The following NEXMIF variants were observed in gnomAD, a reference collection of about 807,000 sequenced individuals.
NEXMIF encodes XLMR protein related to neurite extension.
In NEXMIF, 8 loss-of-function variants were observed where a neutral mutation model predicts 62.1. The ratio of observed to expected loss-of-function variants is 0.13; its 90% CI spans 0.08 to 0.23. NEXMIF has a LOEUF of 0.23. Ranked by LOEUF, NEXMIF falls within the 10% of genes least tolerant of loss-of-function variation. NEXMIF has a pLI of 1.00. For synonymous variants in NEXMIF, 404 were observed against 416.6 expected, an observed-to-expected ratio of 0.97 and a Z score of 0.37; for missense variants, 976 against 1,113.3, an observed-to-expected ratio of 0.88 and a Z score of 1.75.
intron 1 of NEXMIF, among the ~76,000 whole-genome samples, chrX:74,783,916 T>C (rs2080253498): frequency 9.0e-6 from 1 of 110,901 alleles, no homozygotes. Context: ...TTCAGTAGTT[T>C]TAGGTATGAG....
chrX:74,837,206 C>T (rs1376192607), intron 1 of NEXMIF, among the ~76,000 whole-genome samples: 2 of 111,733 alleles, frequency 1.8e-5, no homozygotes. Context: ...TCAAGACTGT[C>T]TCTCTGACCC....
chrX:74,889,129 C>A (rs1296817295), intron 1 of NEXMIF, among the ~76,000 whole-genome samples: 1 of 111,634 alleles, frequency 9.0e-6, no homozygotes, highest in Non-Finnish European at 1.9e-5. Flanking sequence ...CGTTAATGCC[C>A]AGATCTGCAA....
chrX:74,758,511 AC>A (rs2080166086), intron 1 of NEXMIF, among the ~76,000 whole-genome samples: 1 of 111,479 alleles, frequency 9.0e-6, no homozygotes, highest in African/African-American at 3.3e-5. Flanking sequence ...TCACCCAGGG[AC>A]AAAGATTAGT....
intron 1 of NEXMIF, among the ~76,000 whole-genome samples, chrX:74,798,219 G>C (rs2080318414): frequency 9.0e-6 from 1 of 111,254 alleles, no homozygotes; most frequent in African/African-American, 3.3e-5. Context: ...ATCATGGTTT[G>C]AAATCCTGTC....
chrX:74,798,331 A>G (rs1056290552), intron 1 of NEXMIF, among the ~76,000 whole-genome samples: 8 of 111,970 alleles, frequency 7.1e-5, no homozygotes, highest in African/African-American at 2.6e-4. Flanking sequence ...CAACCACCAC[A>G]CTTAGCTGTG....
intron 2 of NEXMIF, 108 bp from the exon 3 acceptor site, chrX:74,744,585 G>T: frequency 2.0e-6 from 1 of 501,903 alleles, no homozygotes; most frequent in Non-Finnish European, 3.1e-6. Flanking sequence ...TATTATATAA[G>T]CTAAGCCTTC....
At chrX:74,881,612 C>A (rs1296440415) in intron 1 of NEXMIF, among the ~76,000 whole-genome samples, 1 of 111,392 alleles carries the variant, frequency 9.0e-6, no homozygotes, top group Non-Finnish European at 1.9e-5. Context: ...GCATCTGTGT[C>A]CTCTACCCAT....
chrX:74,826,115 AT>A (rs1293921365), intron 1 of NEXMIF, among the ~76,000 whole-genome samples: 1 of 112,571 alleles, frequency 8.9e-6, no homozygotes, highest in Non-Finnish European at 1.9e-5. Flanking sequence ...CAATGATTGA[AT>A]TAATTTACAC....
intron 1 of NEXMIF, among the ~76,000 whole-genome samples, chrX:74,890,258 G>C (rs2080713270): frequency 9.8e-6 from 1 of 101,618 alleles, no homozygotes; most frequent in Admixed American, 1.1e-4. Context: ...AATAGAGAAA[G>C]TATGAGTCAT....
At chrX:74,844,226 T>G (rs1258512307) in intron 1 of NEXMIF, among the ~76,000 whole-genome samples, 1 of 111,505 alleles carries the variant, frequency 9.0e-6, no homozygotes, top group Non-Finnish European at 1.9e-5. Context: ...TCTTTCATTT[T>G]GACCTTGGAA....
At chrX:74,906,373 T>C (rs1313451843) in intron 1 of NEXMIF, among the ~76,000 whole-genome samples, 1 of 111,060 alleles carries the variant, frequency 9.0e-6, no homozygotes, top group Non-Finnish European at 1.9e-5. Context: ...GACCTTTTTG[T>C]TCCAAGGAAA....
intron 1 of NEXMIF, among the ~76,000 whole-genome samples, chrX:74,924,439 C>A (rs747929601): frequency 7.1e-5 from 8 of 113,246 alleles, no homozygotes; most frequent in Middle Eastern, 9.3e-3. Context: ...CGGCTTTGGT[C>A]CGAGCGCCCG....
intron 1 of NEXMIF, 76 bp downstream of exon 1, chrX:74,924,807 C>T (rs1187968495): frequency 8.8e-6 from 1 of 114,191 alleles, no homozygotes; most frequent in Non-Finnish European, 1.9e-5. Context: ...CATTCCACCC[C>T]CTGCGGCCGC....
At chrX:74,823,697 CAGATAGATAGATAGATAGAT>C (rs60606226) in intron 1 of NEXMIF, among the ~76,000 whole-genome samples, 6 of 101,739 alleles carry the variant, frequency 5.9e-5, no homozygotes, top group Admixed American at 1.1e-4. Context: ...CAGAGAAAGA[CAGATAGATAGATAGATAGAT>C]AGATAGATAG....
At chrX:74,782,779 G>C in intron 1 of NEXMIF, among the ~76,000 whole-genome samples, 1 of 111,970 alleles carries the variant, frequency 8.9e-6, no homozygotes, top group Non-Finnish European at 1.9e-5. Flanking sequence ...CTGATTATTA[G>C]AGACTTAGCT....
intron 1 of NEXMIF, among the ~76,000 whole-genome samples, chrX:74,840,673 G>C (rs2080471018): frequency 8.9e-6 from 1 of 111,849 alleles, no homozygotes; most frequent in South Asian, 3.7e-4. Flanking sequence ...GTGTAAGGAA[G>C]GTGTCCAGTT....
chrX:74,801,862 T>C (rs924315359), intron 1 of NEXMIF, among the ~76,000 whole-genome samples: 201 of 111,595 alleles, frequency 1.8e-3, no homozygotes, highest in Non-Finnish European at 4.2e-4. Context: ...AACCAGGTAG[T>C]ATTCACCACA....
In NEXMIF at chrX:74,898,507, G is replaced by A. The variant is rs2080739367; in HGVS notation, c.-48+26376C>T. Among the ~76,000 whole-genome samples the A allele has an allele frequency of 1.8e-5, 2 of 111,404 alleles. 1 individual carries two copies. Among genetic ancestry groups the A allele is most frequent in the African/African-American group, 6.5e-5 (2 of 30,625 alleles). Reference sequence around the variant, plus strand: ...GGATGGGATTTCAGAACAGAAAAAGGACATTAGAAGAAAACTGAAGAAATA... The same window carrying A: ...GGATGGGATTTCAGAACAGAAAAAGAACATTAGAAGAAAACTGAAGAAATA... On this transcript the variant is annotated intron_variant, in intron 1 of 3. Transcript: ENST00000055682.
chrX:74,754,147 A>G (rs2080152260), intron 1 of NEXMIF, among the ~76,000 whole-genome samples: 1 of 109,351 alleles, frequency 9.1e-6, no homozygotes, highest in Non-Finnish European at 1.9e-5. Flanking sequence ...TTTTTAGTAG[A>G]GATGGGGTTT....
Sources: gnomAD v4.1 joint callset for allele counts (sites outside exome capture counted in the v4.1 genomes callset) on GRCh38, gnomAD v4.1.1 for gene constraint, MANE v1.5 for transcripts, NCBI Gene and HGNC (gene_info 2026-07-23, HGNC 2026-07-21) for gene names.